The following DMD variants were observed in gnomAD, a reference collection of about 807,000 sequenced individuals.
DMD encodes the protein mutant dystrophin.
Under a neutral mutation model 330.1 loss-of-function variants are expected in DMD, and 63 were observed. The observed-to-expected ratio is 0.19, with a 90% CI of 0.16 to 0.24. The LOEUF (loss-of-function observed/expected upper bound fraction) is 0.24. Ranked by LOEUF, DMD falls within the 10% of genes least tolerant of loss-of-function variation. The pLI, the probability that DMD is intolerant of heterozygous loss-of-function variation, is 1.00. For missense variants in DMD, 3,344 were observed against 2,684.1 expected, an observed-to-expected ratio of 1.25 and a Z score of -5.43; for synonymous variants, 1,223 against 959.8, an observed-to-expected ratio of 1.27 and a Z score of -5.07.
Position 33,096,629 on chromosome X carries a change from C to T in DMD, c.32-76429G>A, listed in dbSNP as rs748553737. On this transcript the variant is annotated intron_variant, in intron 1 of 78. Coordinates refer to ENST00000357033, the MANE Select transcript of DMD (RefSeq NM_004006.3). The stretch of plus-strand genomic sequence containing the variant: ...CAAAGATTCTCCTGCCTCAGCCTCC[C>T]AAGTAGCTGGGATTACAAGCATGCA... Among the ~76,000 whole-genome samples, 774 of 110,012 alleles carry T rather than the reference C, an allele frequency of 7.0e-3. 1 individual carries two copies. Among genetic ancestry groups the T allele is most frequent in the Non-Finnish European group, 0.012 (622 of 52,671 alleles).
chrX:31,786,283 C>T (rs1317230926), intron 50 of DMD, among the ~76,000 whole-genome samples: 1 of 111,768 alleles, frequency 8.9e-6, no homozygotes, highest in Non-Finnish European at 1.9e-5. Context: ...CCTTCCCCCA[C>T]TTTTTGATGG....
intron 29 of DMD, among the ~76,000 whole-genome samples, chrX:32,434,328 T>G (rs1218212475): frequency 8.9e-6 from 1 of 111,992 alleles, no homozygotes; most frequent in Non-Finnish European, 1.9e-5. Flanking sequence ...GAGAATTGCT[T>G]GAACCCAGGA....
intron 21 of DMD, among the ~76,000 whole-genome samples, chrX:32,483,846 A>C: frequency 9.6e-6 from 1 of 103,882 alleles, no homozygotes; most frequent in African/African-American, 3.5e-5. Context: ...AAAAAAAAGT[A>C]TTTATCCTTT....
chrX:31,428,642 C>A (rs2063847535), intron 60 of DMD, among the ~76,000 whole-genome samples: 2 of 111,944 alleles, frequency 1.8e-5, no homozygotes, highest in African/African-American at 6.5e-5. Context: ...TCCATTCTGC[C>A]ATTCTTGGTG....
rs754604466 is a variant in DMD at position 31,679,522 on chromosome X, C to T, written c.7725G>A (p.Leu2575=). Residue 2575 remains leucine (L), a synonymous_variant, in exon 53 of 79, where the codon TTG becomes TTA. Coordinates refer to ENST00000357033, the MANE Select transcript of DMD (RefSeq NM_004006.3). ...QEHLQNRRQQ[L]NEMLKDSTQW... is the part of the protein sequence containing the mutation. ...GTGTTGAATCCTTTAACATTTCATT[C>T]AACTGTTGCCTCCGGTTCTGAAGGT... The T allele has an allele frequency of 1.2e-4, 143 of 1,210,033 alleles. No individual in the cohort carries two copies. Among genetic ancestry groups the T allele is most frequent in the Non-Finnish European group, 1.5e-4 (136 of 895,143 alleles).
At chrX:32,565,956 C>A (rs960242070) in intron 15 of DMD, 75 bp from the exon 16 acceptor site, 25 of 922,921 alleles carry the variant, frequency 2.7e-5, no homozygotes, top group Non-Finnish European at 3.8e-5. Flanking sequence ...TCTGCTTTTG[C>A]GTGTATTTGC....
chrX:32,063,756 C>A (rs2096243713), intron 44 of DMD, among the ~76,000 whole-genome samples: 1 of 110,679 alleles, frequency 9.0e-6, no homozygotes, highest in East Asian at 2.8e-4. Flanking sequence ...AGAATCCATT[C>A]AACGAGTATA....
intron 12 of DMD, among the ~76,000 whole-genome samples, chrX:32,609,704 G>A (rs1442854760): frequency 1.8e-5 from 2 of 111,219 alleles, no homozygotes; most frequent in Non-Finnish European, 3.8e-5. Context: ...TTCAAGAAAA[G>A]GATAGGTGAC....
intron 47 of DMD, among the ~76,000 whole-genome samples, chrX:31,896,228 T>C (rs1164613853): frequency 1.8e-5 from 2 of 112,138 alleles, no homozygotes; most frequent in Non-Finnish European, 3.8e-5. Flanking sequence ...TTATGTGACA[T>C]CACCAATAAT....
At chrX:32,239,154 G>A (rs183614564) in intron 43 of DMD, among the ~76,000 whole-genome samples, 5 of 111,104 alleles carry the variant, frequency 4.5e-5, no homozygotes, top group African/African-American at 1.6e-4. Context: ...TTGTGACAAC[G>A]AAAAAGGTCT....
At chrX:32,730,243 G>A (rs1367682878) in intron 7 of DMD, among the ~76,000 whole-genome samples, 1 of 112,269 alleles carries the variant, frequency 8.9e-6, no homozygotes, top group African/African-American at 3.2e-5. Flanking sequence ...TTACTCAGGA[G>A]GCTGAGCTAG....
chrX:32,014,414 A>T (rs1457717254), intron 44 of DMD, among the ~76,000 whole-genome samples: 1 of 111,558 alleles, frequency 9.0e-6, no homozygotes, highest in Admixed American at 9.6e-5. Context: ...GAATCCAAGC[A>T]TTGGAAATTG....
intron 1 of DMD, among the ~76,000 whole-genome samples, chrX:33,253,055 G>A (rs914171833): frequency 7.2e-5 from 8 of 111,180 alleles, no homozygotes; most frequent in Non-Finnish European, 1.3e-4. Flanking sequence ...TAAAAATATC[G>A]AACATCAAGA....
intron 62 of DMD, among the ~76,000 whole-genome samples, chrX:31,322,599 G>A (rs1043632532): frequency 8.9e-6 from 1 of 111,841 alleles, no homozygotes; most frequent in Non-Finnish European, 1.9e-5. Flanking sequence ...CCATTTTTCT[G>A]AGTTAACAAA....
intron 9 of DMD, among the ~76,000 whole-genome samples, chrX:32,664,390 T>C (rs12012882): frequency 0.011 from 1,241 of 109,569 alleles, 26 homozygotes; most frequent in African/African-American, 0.039. Context: ...TACAGGCACC[T>C]GCCACCACGG....
At chrX:31,559,353 T>G (rs910329996) in intron 55 of DMD, among the ~76,000 whole-genome samples, 1 of 99,802 alleles carries the variant, frequency 1.0e-5, no homozygotes, top group Admixed American at 1.1e-4. Context: ...ACCATAAGAC[T>G]TCTTGGCTGC....
At chrX:32,773,929 C>T (rs2073893538) in intron 7 of DMD, among the ~76,000 whole-genome samples, 1 of 111,452 alleles carries the variant, frequency 9.0e-6, no homozygotes, top group Non-Finnish European at 1.9e-5. Flanking sequence ...CTTTAGTTTA[C>T]ACTTGCAATG....
At position 31,953,089 on chromosome X, in the gene DMD, G is replaced by C. The variant is rs368377845; in HGVS notation, c.6614+15250C>G. On this transcript the variant is annotated intron_variant, in intron 45 of 78. Transcript: ENST00000357033. The stretch of plus-strand genomic sequence containing the variant: ...TAAAGGTTCTTTATATGTGTTAAAG[G>C]GTATATTCAACATGCAGGCACATTT... 6.2e-5 allele frequency among the ~76,000 whole-genome samples: 7 copies of C among 112,317 alleles called. No individual in the cohort carries two copies. The East Asian group carries it at 1.7e-3, about 27-fold the overall frequency.
intron 1 of DMD, among the ~76,000 whole-genome samples, chrX:33,316,165 C>A (rs2053930221): frequency 9.0e-6 from 1 of 110,550 alleles, no homozygotes; most frequent in African/African-American, 3.3e-5. Flanking sequence ...CAACTTTCAT[C>A]TAAGAGTACA....
Sources: allele counts gnomAD v4.1 joint callset (sites outside exome capture counted in the v4.1 genomes callset), GRCh38; gene constraint gnomAD v4.1.1; transcripts MANE v1.5; gene names NCBI Gene and HGNC (gene_info 2026-07-23, HGNC 2026-07-21).